Variants in ERBB4 observed in about 807,000 individuals in gnomAD.
ERBB4 encodes the protein receptor tyrosine-protein kinase erbB-4.
Under a neutral mutation model 158.0 loss-of-function variants are expected in ERBB4, and 42 were observed. That is an observed-to-expected ratio of 0.27 (90% confidence interval 0.21 to 0.34). ERBB4 has a LOEUF of 0.34. ERBB4 is among the 10% of genes least tolerant of loss of function. The pLI, the probability that ERBB4 is intolerant of heterozygous loss-of-function variation, is 1.00. For missense variants in ERBB4, 1,333 were observed against 1,624.1 expected, an observed-to-expected ratio of 0.82 and a Z score of 3.08; for synonymous variants, 583 against 558.7, an observed-to-expected ratio of 1.04 and a Z score of -0.61.
At chr2:212,159,706 G>A (rs1334878671) in intron 1 of ERBB4, among the ~76,000 whole-genome samples, 1 of 151,766 alleles carries the variant, frequency 6.6e-6, no homozygotes, top group Admixed American at 6.6e-5. Flanking sequence ...CTTGAAGAAA[G>A]CAAGGCAACC....
intron 2 of ERBB4, among the ~76,000 whole-genome samples, chr2:211,996,064 GATATGTTC>G (rs974189282): frequency 1.8e-4 from 27 of 152,208 alleles, no homozygotes; most frequent in African/African-American, 6.3e-4. Flanking sequence ...AGTCCTAAAG[GATATGTTC>G]ATTCTACAGA....
chr2:211,426,352 C>T (rs2063626842), intron 22 of ERBB4, among the ~76,000 whole-genome samples: 1 of 151,992 alleles, frequency 6.6e-6, no homozygotes, highest in Admixed American at 6.6e-5. Context: ...TAAAAATGCA[C>T]CTAGTGAGAA....
At chr2:212,099,736 G>GT (rs3037296) in intron 2 of ERBB4, among the ~76,000 whole-genome samples, 2,422 of 144,574 alleles carry the variant, frequency 0.017, 33 homozygotes, top group African/African-American at 0.045. Context: ...TTGTTTTACA[G>GT]TTTTTTTTTT....
intron 19 of ERBB4, among the ~76,000 whole-genome samples, chr2:211,602,966 C>T (rs917160807): frequency 3.3e-5 from 5 of 152,222 alleles, no homozygotes; most frequent in East Asian, 1.9e-4. Context: ...CAGTGGCTCA[C>T]GCCTGTAATT....
chr2:212,531,249 T>A (rs765304197), intron 1 of ERBB4, among the ~76,000 whole-genome samples: 4 of 152,156 alleles, frequency 2.6e-5, no homozygotes, highest in African/African-American at 4.8e-5. Context: ...AGAACACTTA[T>A]CATGCCCAAG....
At chr2:212,167,937 T>G (rs991747257) in intron 1 of ERBB4, among the ~76,000 whole-genome samples, 5 of 151,832 alleles carry the variant, frequency 3.3e-5, no homozygotes, top group African/African-American at 1.2e-4. Flanking sequence ...CAGGGCCTGT[T>G]GGGGTGTGGG....
chr2:212,100,343 C>T (rs1300393014), intron 2 of ERBB4, among the ~76,000 whole-genome samples: 3 of 152,060 alleles, frequency 2.0e-5, no homozygotes, highest in African/African-American at 7.2e-5. Flanking sequence ...AGATCTGGGC[C>T]CAAGATTCTG....
intron 3 of ERBB4, among the ~76,000 whole-genome samples, chr2:211,940,697 C>T (rs1339691204): frequency 6.6e-6 from 1 of 152,072 alleles, no homozygotes; most frequent in Non-Finnish European, 1.5e-5. Flanking sequence ...GATCATCTTG[C>T]CAGTCATGAC....
At chr2:211,444,148 A>G (rs1327997282) in intron 20 of ERBB4, among the ~76,000 whole-genome samples, 1 of 50,866 alleles carries the variant, frequency 2.0e-5, no homozygotes, top group East Asian at 4.2e-4. Context: ...AATTATCTGT[A>G]TAACATTTCA....
intron 3 of ERBB4, among the ~76,000 whole-genome samples, chr2:211,943,567 G>C (rs924313851): frequency 6.6e-6 from 1 of 152,066 alleles, no homozygotes; most frequent in African/African-American, 2.4e-5. Flanking sequence ...AAGAAAGTAA[G>C]GCAGTGTTAA....
chr2:211,661,072 G>T (rs2071406024), intron 15 of ERBB4, among the ~76,000 whole-genome samples: 1 of 152,076 alleles, frequency 6.6e-6, no homozygotes, highest in East Asian at 1.9e-4. Flanking sequence ...TGAGGGAGCA[G>T]GATGTAGGGT....
chr2:212,496,121 G>T (rs76488243), intron 1 of ERBB4, among the ~76,000 whole-genome samples: 3,329 of 152,032 alleles, frequency 0.022, 100 homozygotes, highest in South Asian at 0.081. Flanking sequence ...TTCAGAGGTT[G>T]TCTTAGAGAA....
chr2:211,750,781 G>C, intron 4 of ERBB4, 77 bp from the exon 5 acceptor site: 1 of 1,228,522 alleles, frequency 8.1e-7, no homozygotes, highest in South Asian at 1.2e-5. Flanking sequence ...CTCCTCAAAG[G>C]AAATACTCCT....
intron 19 of ERBB4, among the ~76,000 whole-genome samples, chr2:211,580,858 TGCATATACA>T (rs2068069222): frequency 3.1e-3 from 24 of 7,772 alleles, no homozygotes; most frequent in African/African-American, 4.1e-3. Flanking sequence ...ATATATAGTA[TGCATATACA>T]TATATATATA....
intron 2 of ERBB4, among the ~76,000 whole-genome samples, chr2:212,022,985 T>C (rs1288861553): frequency 6.6e-6 from 1 of 152,120 alleles, no homozygotes; most frequent in Non-Finnish European, 1.5e-5. Context: ...TGCAGAGGTA[T>C]AGAAGTTTGA....
At chr2:212,106,677 A>T (rs1042535204) in intron 2 of ERBB4, among the ~76,000 whole-genome samples, 1 of 152,256 alleles carries the variant, frequency 6.6e-6, no homozygotes, top group Admixed American at 6.5e-5. Context: ...AGACCTTCAA[A>T]GCAGCCCCTC....
intron 20 of ERBB4, among the ~76,000 whole-genome samples, chr2:211,472,863 G>T (rs1379923736): frequency 6.6e-6 from 1 of 151,686 alleles, no homozygotes; most frequent in Non-Finnish European, 1.5e-5. Flanking sequence ...AGTAGGTATA[G>T]GGTGGGACCT....
At position 212,189,940 on chromosome 2, in the gene ERBB4, T is replaced by C. The variant is rs1269330955; in HGVS notation, c.83-65037A>G. ...TTACTGTTAGTCAAACCATTTTATG[T>C]ATAATATTATTCACCATATTGGAAT... On this transcript the variant is annotated intron_variant, in intron 1 of 27. Coordinates refer to ENST00000342788, the MANE Select transcript of ERBB4 (RefSeq NM_005235.3). Among the ~76,000 whole-genome samples the C allele has an allele frequency of 2.0e-5, 3 of 152,344 alleles. No homozygotes were observed. The East Asian group carries it at 5.8e-4, about 29-fold the overall frequency.
intron 20 of ERBB4, among the ~76,000 whole-genome samples, chr2:211,481,125 T>C (rs549604361): frequency 8.5e-5 from 13 of 152,212 alleles, no homozygotes; most frequent in African/African-American, 2.9e-4. Flanking sequence ...CACTATCCCA[T>C]TAAGAGGTCA....
Sources: gnomAD v4.1 joint callset for allele counts (sites outside exome capture counted in the v4.1 genomes callset) on GRCh38, gnomAD v4.1.1 for gene constraint, MANE v1.5 for transcripts, NCBI Gene and HGNC (gene_info 2026-07-23, HGNC 2026-07-21) for gene names.